The following AASS variants were observed in gnomAD, a reference collection of about 807,000 sequenced individuals.
AASS encodes the protein alpha-aminoadipic semialdehyde synthase, mitochondrial.
Under a neutral mutation model 105.4 loss-of-function variants are expected in AASS, and 86 were observed. That is an observed-to-expected ratio of 0.82 (90% CI 0.69 to 0.98). AASS has a LOEUF of 0.98. Among genes scored for constraint, AASS ranks in the 50% least tolerant of loss-of-function variants. The pLI is 0.00. For synonymous variants in AASS, 381 were observed against 394.8 expected, an observed-to-expected ratio of 0.96 and a Z score of 0.41; for missense variants, 1,048 against 1,143.2, an observed-to-expected ratio of 0.92 and a Z score of 1.20.
chr7:122,118,207 T>G, intron 6 of AASS, 100 bp downstream of exon 6: 1 of 1,344,356 alleles, frequency 7.4e-7, no homozygotes, highest in Non-Finnish European at 1.1e-6. Flanking sequence ...AAATAGAATC[T>G]CCAGTCCATT....
At chr7:122,138,032 G>C (rs1796233422) in intron 1 of AASS, among the ~76,000 whole-genome samples, 1 of 152,156 alleles carries the variant, frequency 6.6e-6, no homozygotes, top group South Asian at 2.1e-4. Flanking sequence ...ACAGGCAAGG[G>C]TGGGGTACAA....
At chr7:122,139,507 G>A (rs1024221646) in intron 1 of AASS, among the ~76,000 whole-genome samples, 2 of 151,810 alleles carry the variant, frequency 1.3e-5, no homozygotes, top group Non-Finnish European at 2.9e-5. Flanking sequence ...ATTTTTTTCT[G>A]TTTTATAGAA....
At chr7:122,143,868 T>C (rs1563002970) in intron 1 of AASS, among the ~76,000 whole-genome samples, 1 of 152,228 alleles carries the variant, frequency 6.6e-6, no homozygotes, top group South Asian at 2.1e-4. Context: ...ATCCCTCGCC[T>C]TTCTACTTAG....
intron 2 of AASS, among the ~76,000 whole-genome samples, chr7:122,132,259 T>C (rs1041435374): frequency 4.6e-5 from 7 of 152,138 alleles, no homozygotes; most frequent in Non-Finnish European, 7.3e-5. Context: ...TTCAATGCAC[T>C]GTAATAGAAC....
rs1463175352 is a variant in AASS, at chr7:122,134,920, T to C, written c.-15-1179A>G. On this transcript the variant is annotated intron_variant, in intron 1 of 23. Transcript: ENST00000417368. ...CTGGATTAAGAAAATGTGGCACATATACACCATGGAATACTATGCAGCCAT... is the reference window on the plus strand; with the variant it reads ...CTGGATTAAGAAAATGTGGCACATACACACCATGGAATACTATGCAGCCAT... 3.3e-5 allele frequency among the ~76,000 whole-genome samples: 5 copies of C among 152,290 alleles called. No individual in the cohort carries two copies. The East Asian group carries it at 5.8e-4, about 18-fold the overall frequency.
intron 13 of AASS, among the ~76,000 whole-genome samples, chr7:122,100,342 C>A (rs924668010): frequency 7.2e-5 from 11 of 151,790 alleles, no homozygotes; most frequent in African/African-American, 2.7e-4. Context: ...CTATGAAAAA[C>A]AAACAGATGT....
At chr7:122,140,153 C>T (rs1796318734) in intron 1 of AASS, among the ~76,000 whole-genome samples, 1 of 152,012 alleles carries the variant, frequency 6.6e-6, no homozygotes, top group Non-Finnish European at 1.5e-5. Context: ...AGATCACCTA[C>T]CTAAGCAAAA....
chr7:122,127,258 T>C (rs1323086757), intron 3 of AASS, among the ~76,000 whole-genome samples: 2 of 152,168 alleles, frequency 1.3e-5, no homozygotes, highest in Non-Finnish European at 2.9e-5. Flanking sequence ...TTGAAAACCT[T>C]TCCTCTCTCA....
At chr7:122,138,103 A>G (rs4727938) in intron 1 of AASS, among the ~76,000 whole-genome samples, 33,920 of 152,156 alleles carry the variant, frequency 0.22, 4,022 homozygotes, top group African/African-American at 0.31. Flanking sequence ...TAACATTTCA[A>G]ATATAAAAAT....
Position 122,074,796 on chromosome 7 carries a change from A to C in AASS, c.*1693T>G, listed in dbSNP as rs1792924283. On this transcript the variant is annotated 3_prime_UTR_variant, in exon 24 of 24. Transcript: ENST00000417368. ...AAGTCAGTTGATGATAAATGTGATC[A>C]ATATTTCTGGACCCTCAATTATATT... is the stretch of plus-strand genomic sequence containing the variant. Among the ~76,000 whole-genome samples the C allele has an allele frequency of 6.6e-6, 1 of 152,162 alleles. No homozygotes were observed. The highest frequency in any genetic ancestry group is 2.1e-4 in the South Asian group (1 of 4,828).
At chr7:122,129,623 C>T (rs1019719132) in intron 2 of AASS, 86 bp from the exon 3 acceptor site, 1 of 1,243,654 alleles carries the variant, frequency 8.0e-7, no homozygotes, top group African/African-American at 1.5e-5. Flanking sequence ...AAAGGCACAA[C>T]AAATCTTTTG....
intron 22 of AASS, among the ~76,000 whole-genome samples, chr7:122,078,428 A>G (rs1319835083): frequency 1.3e-5 from 2 of 152,202 alleles, no homozygotes; most frequent in Non-Finnish European, 1.5e-5. Flanking sequence ...CCTGGCCAAC[A>G]TGGTGAAACC....
intron 16 of AASS, 32 bp from the exon 17 acceptor site, chr7:122,092,983 C>T: frequency 6.2e-7 from 1 of 1,612,440 alleles, no homozygotes; most frequent in Non-Finnish European, 8.5e-7. Flanking sequence ...AAAAGGAAAA[C>T]TTGGATATAA....
chr7:122,087,046 G>A (rs936526340), intron 18 of AASS, among the ~76,000 whole-genome samples: 1 of 152,146 alleles, frequency 6.6e-6, no homozygotes, highest in Admixed American at 6.6e-5. Flanking sequence ...GAGAATTCTG[G>A]TTGTTGCTGC....
chr7:122,142,308 T>C lies in AASS; in HGVS notation c.-16+1853A>G, dbSNP rs182952308. Among the ~76,000 whole-genome samples, 36 of 152,234 alleles carry C rather than the reference T, an allele frequency of 2.4e-4. 1 individual carries two copies. In the East Asian group the frequency reaches 5.6e-3, roughly 24 times the overall value. The stretch of plus-strand genomic sequence containing the variant: ...ATAAATTTTAAGAAAAGAAAAAGCC[T>C]CCAGGCTTGCCTACTCCTCAAAAGC... On this transcript the variant is annotated intron_variant, in intron 1 of 23. Coordinates refer to ENST00000417368, the MANE Select transcript of AASS (RefSeq NM_005763.4).
intron 4 of AASS, among the ~76,000 whole-genome samples, chr7:122,123,369 C>A (rs1795518838): frequency 6.6e-6 from 1 of 152,188 alleles, no homozygotes; most frequent in Non-Finnish European, 1.5e-5. Context: ...TAGAGCTCAC[C>A]TCATCTATTT....
intron 4 of AASS, among the ~76,000 whole-genome samples, chr7:122,119,156 T>A (rs533577254): frequency 6.6e-6 from 1 of 152,280 alleles, no homozygotes; most frequent in Non-Finnish European, 1.5e-5. Flanking sequence ...AATGCAGACC[T>A]CTTCTTTGTT....
At chr7:122,087,345 A>G (rs1237454060) in intron 18 of AASS, among the ~76,000 whole-genome samples, 3 of 152,184 alleles carry the variant, frequency 2.0e-5, no homozygotes, top group Non-Finnish European at 4.4e-5. Context: ...GGACCACTGG[A>G]GTCTTTTCAG....
chr7:122,078,207 C>T (rs1198997479), intron 22 of AASS, among the ~76,000 whole-genome samples, 193 bp from the exon 23 acceptor site: 1 of 152,088 alleles, frequency 6.6e-6, no homozygotes, highest in Non-Finnish European at 1.5e-5. Context: ...TGATCTCATT[C>T]CTTTATCCGG....
Sources: allele counts gnomAD v4.1 joint callset (sites outside exome capture counted in the v4.1 genomes callset), GRCh38; gene constraint gnomAD v4.1.1; transcripts MANE v1.5; gene names NCBI Gene and HGNC (gene_info 2026-07-23, HGNC 2026-07-21).